Variants in C12orf56 observed in about 807,000 individuals in gnomAD.
C12orf56 encodes the protein uncharacterized protein C12orf56.
A neutral mutation model predicts 69.9 loss-of-function variants in C12orf56; 71 were observed. The ratio of observed to expected loss-of-function variants is 1.02; its 90% CI spans 0.84 to 1.24. C12orf56 has a LOEUF of 1.24. C12orf56 is among the 50% of genes most tolerant of loss of function. C12orf56 has a pLI of 0.00. For synonymous variants in C12orf56, 276 were observed against 274.1 expected, an observed-to-expected ratio of 1.01 and a Z score of -0.07; for missense variants, 732 against 738.5, an observed-to-expected ratio of 0.99 and a Z score of 0.10.
At chr12:64,371,903 CTTTTTT>C (rs750455670) in intron 1 of C12orf56, among the ~76,000 whole-genome samples, 1 of 121,904 alleles carries the variant, frequency 8.2e-6, no homozygotes. Flanking sequence ...GCAATGATTT[CTTTTTT>C]TTTTTTTTTT....
chr12:64,336,476 A>C (rs777948865), intron 2 of C12orf56, among the ~76,000 whole-genome samples: 7 of 152,140 alleles, frequency 4.6e-5, no homozygotes, highest in Non-Finnish European at 1.0e-4. Context: ...TACACGTTGA[A>C]GGAAAAAAAA....
chr12:64,338,203 C>T, intron 2 of C12orf56: 1 of 580,454 alleles, frequency 1.7e-6, no homozygotes, highest in Non-Finnish European at 3.3e-6. Flanking sequence ...GGCATTTGCC[C>T]TGAACAAGCC....
chr12:64,363,695 T>C (rs941319235), intron 1 of C12orf56, among the ~76,000 whole-genome samples: 2 of 152,170 alleles, frequency 1.3e-5, no homozygotes, highest in Non-Finnish European at 2.9e-5. Context: ...GGTGCTTGAA[T>C]GTGTGCCTAA....
chr12:64,337,212 G>A (rs756456090), intron 2 of C12orf56, among the ~76,000 whole-genome samples: 4 of 151,974 alleles, frequency 2.6e-5, no homozygotes, highest in African/African-American at 9.7e-5. Context: ...GACACCAAGT[G>A]TGTAATTTTT....
intron 5 of C12orf56, among the ~76,000 whole-genome samples, chr12:64,308,980 G>GAAAGGAAAGAAAGA (rs2038570125): frequency 8.2e-6 from 1 of 121,588 alleles, no homozygotes; most frequent in African/African-American, 2.9e-5. Context: ...AGAAAAGAAA[G>GAAAGGAAAGAAAGA]AAAGAAAAGA....
At chr12:64,282,775 A>AAAAAG (rs887600152) in intron 8 of C12orf56, among the ~76,000 whole-genome samples, 1 of 151,862 alleles carries the variant, frequency 6.6e-6, no homozygotes, top group Non-Finnish European at 1.5e-5. Flanking sequence ...CTAAAAAAAA[A>AAAAAG]AAAAGAAAAG....
At chr12:64,352,721 T>C (rs1055950326) in intron 2 of C12orf56, among the ~76,000 whole-genome samples, 173 bp downstream of exon 2, 2 of 152,200 alleles carry the variant, frequency 1.3e-5, no homozygotes, top group Admixed American at 1.3e-4. Context: ...TTTTAATAAA[T>C]CCCACTGTCC....
At chr12:64,365,830 TAA>T (rs1491140020) in intron 1 of C12orf56, among the ~76,000 whole-genome samples, 1 of 139,918 alleles carries the variant, frequency 7.1e-6, no homozygotes, top group African/African-American at 2.6e-5. Flanking sequence ...ATATTATGTA[TAA>T]TATATAGTGT....
At chr12:64,317,218 T>TC (rs1453168864) in intron 4 of C12orf56, among the ~76,000 whole-genome samples, 1 of 152,122 alleles carries the variant, frequency 6.6e-6, no homozygotes, top group Non-Finnish European at 1.5e-5. Flanking sequence ...TGTCCTGTAA[T>TC]TTTTCATAAT....
chr12:64,310,551 C>A (rs2038593433), intron 5 of C12orf56, among the ~76,000 whole-genome samples: 1 of 152,072 alleles, frequency 6.6e-6, no homozygotes, highest in Admixed American at 6.6e-5. Flanking sequence ...TGATGATTTG[C>A]AGAGTAATGA....
chr12:64,315,940 A>T (rs2038686297), intron 4 of C12orf56, among the ~76,000 whole-genome samples: 1 of 151,954 alleles, frequency 6.6e-6, no homozygotes, highest in Admixed American at 6.6e-5. Context: ...TCAAAAAAAA[A>T]AAAAAAAAAG....
intron 5 of C12orf56, 55 bp downstream of exon 5, chr12:64,312,624 C>T (rs760842899): frequency 7.6e-7 from 1 of 1,321,212 alleles, no homozygotes. Flanking sequence ...AAAGGAGAGG[C>T]AAAGAGGAGA....
At chr12:64,370,340 G>A (rs1218462661) in intron 1 of C12orf56, among the ~76,000 whole-genome samples, 1 of 150,034 alleles carries the variant, frequency 6.7e-6, no homozygotes, top group Non-Finnish European at 1.5e-5. Context: ...GTGAGACTCT[G>A]CCCATGCGCC....
intron 3 of C12orf56, among the ~76,000 whole-genome samples, chr12:64,319,478 C>G (rs2038740824): frequency 6.6e-6 from 1 of 152,172 alleles, no homozygotes; most frequent in Non-Finnish European, 1.5e-5. Context: ...TGTCTGTAAC[C>G]TCCACCTCCC....
At chr12:64,388,130 C>T (rs996576126) in intron 1 of C12orf56, among the ~76,000 whole-genome samples, 5 of 152,124 alleles carry the variant, frequency 3.3e-5, no homozygotes, top group African/African-American at 1.2e-4. Flanking sequence ...CCACCACACC[C>T]AGTGGCGCAT....
In C12orf56 at chr12:64,285,934, A is replaced by T; in HGVS notation, c.1220+20T>A. ...CCTAGCAAAAAAAAAAAAATCGATG[A>T]TTATCTAGTTAGTACTTACACCAGC... is the stretch of plus-strand genomic sequence containing the variant. On this transcript the variant is annotated intron_variant, in intron 7 of 12. Transcript: ENST00000543942. 5 of 1,463,588 alleles carry T rather than the reference A, an allele frequency of 3.4e-6. No homozygotes were observed. Among genetic ancestry groups the T allele is most frequent in the Non-Finnish European group, 1.9e-6 (2 of 1,077,620 alleles). 90.7% of individuals were successfully genotyped at this position (1,463,588 alleles called of 1,614,324 possible). A position where few individuals can be genotyped will look rare whatever the true frequency, so the allele number is the denominator to read the frequency against.
At chr12:64,385,459 G>C (rs1193667230) in intron 1 of C12orf56, among the ~76,000 whole-genome samples, 1 of 152,156 alleles carries the variant, frequency 6.6e-6, no homozygotes, top group Non-Finnish European at 1.5e-5. Context: ...TCAGGAACTA[G>C]AGTTAATCTG....
rs1001620701 is a variant in C12orf56 at position 64,266,417 on chromosome 12, G to A, written c.*766C>T. On this transcript the variant is annotated 3_prime_UTR_variant, in exon 13 of 13. Transcript: ENST00000543942. Reference sequence around the variant, plus strand: ...AGCAGATTTTAAAACTCTGGCCTCCGGCCTTGGTGGTTTCTGGTGCAGGAA... The same window carrying A: ...AGCAGATTTTAAAACTCTGGCCTCCAGCCTTGGTGGTTTCTGGTGCAGGAA... The A allele has an allele frequency of 3.2e-5, 8 of 248,478 alleles. No homozygotes were observed. Among genetic ancestry groups the A allele is most frequent in the Admixed American group, 2.0e-4 (5 of 24,940 alleles). 15.4% of individuals were successfully genotyped at this position (248,478 alleles called of 1,614,324 possible).
chr12:64,380,099 C>A (rs528407754), intron 1 of C12orf56, among the ~76,000 whole-genome samples: 4 of 90,604 alleles, frequency 4.4e-5, no homozygotes, highest in African/African-American at 9.8e-5. Context: ...AGCAAGACTC[C>A]GTCGCAAAAA....
Sources: allele counts gnomAD v4.1 joint callset (sites outside exome capture counted in the v4.1 genomes callset), GRCh38; gene constraint gnomAD v4.1.1; transcripts MANE v1.5; gene names NCBI Gene and HGNC (gene_info 2026-07-23, HGNC 2026-07-21).